The following CDH13 variants were observed in gnomAD, a reference collection of about 807,000 sequenced individuals.
CDH13 encodes cadherin-13.
In CDH13, 24 loss-of-function variants were observed where a neutral mutation model predicts 63.8. The ratio of observed to expected loss-of-function variants is 0.38; its 90% CI spans 0.27 to 0.53. CDH13 has a LOEUF of 0.53. CDH13 is among the 20% of genes least tolerant of loss of function. The probability of loss-of-function intolerance (pLI) is 0.85; values close to 1 mark genes in which losing one functional copy is unlikely to be tolerated. For synonymous variants in CDH13, 503 were observed against 355.3 expected (o/e 1.42, Z -4.67); for missense variants, 1,049 against 903.1 (o/e 1.16, Z -2.07).
intron 1 of CDH13, among the ~76,000 whole-genome samples, chr16:82,820,523 C>G (rs1024450683): frequency 6.6e-6 from 1 of 152,198 alleles, no homozygotes; most frequent in African/African-American, 2.4e-5. Context: ...TGAACACAGG[C>G]ATCCTGCTTC....
Position 82,842,133 on chromosome 16 carries a change from T to C in CDH13, c.46-16229T>C, listed in dbSNP as rs62035172. Among the ~76,000 whole-genome samples, 130 of 48,780 alleles carry C rather than the reference T, an allele frequency of 2.7e-3. 9 individuals carry two copies. Among genetic ancestry groups the C allele is most frequent in the Non-Finnish European group, 5.2e-3 (109 of 21,126 alleles). The allele number at this position is 48,780 out of a possible 152,430, so 32.0% of individuals were successfully genotyped here. ...ATATGTATATATATATATATATATATATATACACATATATATATATATATA... is the reference window on the plus strand; with the variant it reads ...ATATGTATATATATATATATATATACATATACACATATATATATATATATA... On this transcript the variant is annotated intron_variant, in intron 1 of 13. Coordinates refer to ENST00000567109, the MANE Select transcript of CDH13 (RefSeq NM_001257.5).
At chr16:83,748,875 C>G (rs564554983) in intron 11 of CDH13, among the ~76,000 whole-genome samples, 1 of 152,330 alleles carries the variant, frequency 6.6e-6, no homozygotes, top group African/African-American at 2.4e-5. Flanking sequence ...CACGATTGTT[C>G]TCTGCTCCTT....
chr16:83,622,317 A>G (rs1909888642), intron 8 of CDH13, among the ~76,000 whole-genome samples: 1 of 151,690 alleles, frequency 6.6e-6, no homozygotes, highest in African/African-American at 2.4e-5. Flanking sequence ...GCTTTCAAAC[A>G]CAGCACTGCA....
chr16:83,028,063 C>G (rs1389034735), intron 2 of CDH13, among the ~76,000 whole-genome samples: 1 of 152,148 alleles, frequency 6.6e-6, no homozygotes, highest in African/African-American at 2.4e-5. Context: ...CTTTCATATG[C>G]CTTTTCCTCT....
At chr16:82,908,255 A>T (rs1247798041) in intron 2 of CDH13, among the ~76,000 whole-genome samples, 1 of 152,148 alleles carries the variant, frequency 6.6e-6, no homozygotes, top group Non-Finnish European at 1.5e-5. Flanking sequence ...CTAGAACCTG[A>T]GGGAGGAGGT....
chr16:83,740,496 A>G (rs1164993410), intron 10 of CDH13, among the ~76,000 whole-genome samples: 2 of 152,112 alleles, frequency 1.3e-5, no homozygotes, highest in Non-Finnish European at 2.9e-5. Flanking sequence ...GAAGGTGATG[A>G]TTCTCTTGGG....
intron 2 of CDH13, chr16:82,954,244 C>G (rs944655783): frequency 6.6e-6 from 1 of 152,214 alleles, no homozygotes; most frequent in African/African-American, 2.4e-5. Context: ...TCTTCCGACT[C>G]CTGTTTGTAA....
At chr16:83,224,914 A>G (rs1212501457) in intron 5 of CDH13, among the ~76,000 whole-genome samples, 2 of 152,214 alleles carry the variant, frequency 1.3e-5, no homozygotes, top group South Asian at 2.1e-4. Context: ...TGCAAGTACA[A>G]TGGAGTTGAA....
chr16:82,950,052 G>C (rs1346163114), intron 2 of CDH13, among the ~76,000 whole-genome samples: 1 of 152,052 alleles, frequency 6.6e-6, no homozygotes, highest in East Asian at 1.9e-4. Flanking sequence ...AGTTCACTAG[G>C]GCTCCTATAA....
At chr16:82,646,975 A>G (rs991276399) in intron 1 of CDH13, among the ~76,000 whole-genome samples, 1 of 152,142 alleles carries the variant, frequency 6.6e-6, no homozygotes, top group African/African-American at 2.4e-5. Flanking sequence ...ACAGTTGTTA[A>G]TAGCATCAGT....
intron 7 of CDH13, among the ~76,000 whole-genome samples, chr16:83,557,036 A>T (rs2075617605): frequency 6.6e-6 from 1 of 152,192 alleles, no homozygotes; most frequent in African/African-American, 2.4e-5. Context: ...GAGCGAACGA[A>T]GCTTCATCTG....
At chr16:82,951,328 A>G (rs1905268213) in intron 2 of CDH13, among the ~76,000 whole-genome samples, 1 of 152,204 alleles carries the variant, frequency 6.6e-6, no homozygotes, top group Admixed American at 6.5e-5. Flanking sequence ...TGATTCAGAA[A>G]GAAATGTCAG....
At chr16:83,217,539 T>C (rs376256341) in intron 5 of CDH13, 42 bp downstream of exon 5, 5 of 1,584,224 alleles carry the variant, frequency 3.2e-6, no homozygotes, top group Non-Finnish European at 3.4e-6. Context: ...CGCAGAAATG[T>C]GGCTTTCAAA....
chr16:83,291,129 T>C (rs372536853), intron 5 of CDH13, among the ~76,000 whole-genome samples: 3 of 152,356 alleles, frequency 2.0e-5, no homozygotes, highest in East Asian at 3.9e-4. Context: ...ATCTCATTCA[T>C]CTTTGCATCC....
chr16:83,795,782 A>G lies in CDH13; in HGVS notation c.*752A>G, dbSNP rs1302690809. 1 of 152,624 alleles carries G rather than the reference A, an allele frequency of 6.6e-6. No individual in the cohort carries two copies. The highest frequency in any genetic ancestry group is 1.9e-4 in the East Asian group (1 of 5,200). 9.5% of individuals were successfully genotyped at this position (152,624 alleles called of 1,614,324 possible). On this transcript the variant is annotated 3_prime_UTR_variant, in exon 14 of 14. Coordinates refer to ENST00000567109, the MANE Select transcript of CDH13 (RefSeq NM_001257.5). ...GGCAATTTCACCACCAAATGCCAAG[A>G]AAAGGGCTGACATTTTCTTTCATGG...
chr16:83,041,958 A>G (rs372630941), intron 3 of CDH13, among the ~76,000 whole-genome samples: 1 of 152,274 alleles, frequency 6.6e-6, no homozygotes, highest in East Asian at 1.9e-4. Flanking sequence ...TCACTTCTAT[A>G]CATTTTTCCC....
At chr16:83,627,869 A>G (rs1184036480) in intron 8 of CDH13, among the ~76,000 whole-genome samples, 2 of 152,222 alleles carry the variant, frequency 1.3e-5, no homozygotes, top group Non-Finnish European at 2.9e-5. Flanking sequence ...GGGCCAAAGG[A>G]CTATTTCTTG....
At chr16:83,435,969 A>C (rs913047739) in intron 6 of CDH13, among the ~76,000 whole-genome samples, 8 of 152,290 alleles carry the variant, frequency 5.3e-5, no homozygotes, top group African/African-American at 1.9e-4. Flanking sequence ...AGCTATTGAG[A>C]GTTTGTCCAT....
chr16:82,818,139 T>TGTGTGTGTGTGTGTGTG (rs1555523731), intron 1 of CDH13, among the ~76,000 whole-genome samples: 104 of 151,456 alleles, frequency 6.9e-4, no homozygotes, highest in African/African-American at 2.3e-3. Flanking sequence ...TGTGTGTGTG[T>TGTGTGTGTGTGTGTGTG]TTTGGGAAGA....
Sources: allele counts gnomAD v4.1 joint callset (sites outside exome capture counted in the v4.1 genomes callset), GRCh38; gene constraint gnomAD v4.1.1; transcripts MANE v1.5; gene names NCBI Gene and HGNC (gene_info 2026-07-23, HGNC 2026-07-21).